FCHSD2: variants seen among roughly 807,000 people sequenced by gnomAD.
FCHSD2 encodes the protein FCH and double SH3 domains 2.
A neutral mutation model predicts 108.1 loss-of-function variants in FCHSD2; 38 were observed. The ratio of observed to expected loss-of-function variants is 0.35; its 90% CI spans 0.27 to 0.46. The LOEUF (loss-of-function observed/expected upper bound fraction) is 0.46. Ranked by LOEUF, FCHSD2 falls within the 20% of genes least tolerant of loss-of-function variation. FCHSD2 has a pLI of 1.00. For synonymous variants in FCHSD2, 279 were observed against 314.7 expected, an observed-to-expected ratio of 0.89 and a Z score of 1.20; for missense variants, 751 against 897.8, an observed-to-expected ratio of 0.84 and a Z score of 2.09.
chr11:72,894,868 ATGTT>A (rs1371639205), intron 10 of FCHSD2, among the ~76,000 whole-genome samples: 1 of 152,176 alleles, frequency 6.6e-6, no homozygotes, highest in Non-Finnish European at 1.5e-5. Context: ...CAAAAATACT[ATGTT>A]TGGTCACAGG....
At chr11:72,848,884 T>C (rs1342383035) in intron 14 of FCHSD2, among the ~76,000 whole-genome samples, 1 of 152,196 alleles carries the variant, frequency 6.6e-6, no homozygotes, top group Non-Finnish European at 1.5e-5. Flanking sequence ...TTTCCAAGTA[T>C]CTGAGAAGAT....
At chr11:72,991,198 C>T (rs1004362605) in intron 5 of FCHSD2, among the ~76,000 whole-genome samples, 5 of 152,024 alleles carry the variant, frequency 3.3e-5, no homozygotes, top group Non-Finnish European at 7.4e-5. Context: ...AATAACAGGC[C>T]CTGAAATTGA....
At chr11:72,907,407 GTGCTGGTTTTCAAAGGGAA>G (rs1855652040) in intron 9 of FCHSD2, among the ~76,000 whole-genome samples, 1 of 151,440 alleles carries the variant, frequency 6.6e-6, no homozygotes, top group African/African-American at 2.4e-5. Context: ...TCCTTATCTT[GTGCTGGTTTTCAAAGGGAA>G]TGCTTCCAGT....
chr11:72,908,330 C>T (rs1855677630), intron 9 of FCHSD2, among the ~76,000 whole-genome samples: 1 of 80,884 alleles, frequency 1.2e-5, no homozygotes, highest in Admixed American at 1.5e-4. Flanking sequence ...GTGAATAGTG[C>T]TGCAATCAAC....
intron 5 of FCHSD2, among the ~76,000 whole-genome samples, chr11:72,995,109 T>C (rs180805990): frequency 9.8e-5 from 15 of 152,316 alleles, no homozygotes; most frequent in Admixed American, 8.5e-4. Flanking sequence ...CTTCTTTCAC[T>C]TATCAAAACA....
At chr11:72,904,006 G>T (rs773509524) in intron 9 of FCHSD2, among the ~76,000 whole-genome samples, 47 of 152,160 alleles carry the variant, frequency 3.1e-4, no homozygotes, top group Non-Finnish European at 5.9e-4. Context: ...TATCTGCAAA[G>T]AATTTATAAT....
At chr11:73,104,535 A>C (rs1187867549) in intron 2 of FCHSD2, among the ~76,000 whole-genome samples, 4 of 151,856 alleles carry the variant, frequency 2.6e-5, no homozygotes, top group Non-Finnish European at 5.9e-5. Flanking sequence ...TGTTGGGATT[A>C]CAGGAGTGAG....
intron 8 of FCHSD2, among the ~76,000 whole-genome samples, chr11:72,946,604 T>C (rs1856525601): frequency 6.6e-6 from 1 of 152,154 alleles, no homozygotes; most frequent in African/African-American, 2.4e-5. Flanking sequence ...TGTCAATACC[T>C]GCCAATATCC....
chr11:73,038,674 T>C (rs373764522), intron 3 of FCHSD2, among the ~76,000 whole-genome samples: 5 of 152,214 alleles, frequency 3.3e-5, no homozygotes, highest in African/African-American at 1.2e-4. Flanking sequence ...AACATGGGAA[T>C]AATAAACACT....
intron 2 of FCHSD2, among the ~76,000 whole-genome samples, chr11:73,126,339 T>TAAAAAAAAAAAAAAAAA (rs61586562): frequency 8.7e-4 from 24 of 27,648 alleles, no homozygotes; most frequent in Admixed American, 2.8e-3. Context: ...GATTCCATCT[T>TAAAAAAAAAAAAAAAAA]AAAAAAAAAA....
intron 8 of FCHSD2, among the ~76,000 whole-genome samples, chr11:72,935,816 A>G (rs1204202832): frequency 1.3e-5 from 2 of 152,230 alleles, no homozygotes; most frequent in African/African-American, 4.8e-5. Flanking sequence ...GAGGAAACAA[A>G]TAAGGAAGTT....
At chr11:72,961,285 G>A (rs1471304367) in intron 8 of FCHSD2, among the ~76,000 whole-genome samples, 1 of 151,814 alleles carries the variant, frequency 6.6e-6, no homozygotes, top group Non-Finnish European at 1.5e-5. Flanking sequence ...AGGCTGGAGT[G>A]GGATCATAGC....
intron 12 of FCHSD2, among the ~76,000 whole-genome samples, chr11:72,879,198 A>T (rs972384179): frequency 6.6e-6 from 1 of 152,248 alleles, no homozygotes; most frequent in Non-Finnish European, 1.5e-5. Context: ...TACCCACGGC[A>T]TTAGTATAGG....
chr11:73,017,578 C>A (rs1858001945), intron 3 of FCHSD2, among the ~76,000 whole-genome samples: 1 of 152,290 alleles, frequency 6.6e-6, no homozygotes, highest in East Asian at 1.9e-4. Context: ...TTCACTATTT[C>A]TAAGTATTGT....
At chr11:72,966,339 T>C (rs1856906457) in intron 8 of FCHSD2, among the ~76,000 whole-genome samples, 1 of 152,160 alleles carries the variant, frequency 6.6e-6, no homozygotes, top group South Asian at 2.1e-4. Flanking sequence ...TTTGCATTTT[T>C]AGTAGAGACA....
chr11:73,141,954 G>T lies in FCHSD2; in HGVS notation c.-77C>A. ...GAGGAGGAGGAGGGCCGGAGAGGAG[G>T]GGACGGCCCAGCGAGCGCGCGCGTG... On this transcript the variant is annotated 5_prime_UTR_variant, in exon 1 of 20. Transcript: ENST00000409418. 3 of 1,426,438 alleles carry T rather than the reference G, an allele frequency of 2.1e-6. No homozygotes were observed. The highest frequency in any genetic ancestry group is 2.8e-6 in the Non-Finnish European group (3 of 1,054,076). The allele number at this position is 1,426,438 out of a possible 1,614,324, so 88.4% of individuals were successfully genotyped here.
chr11:72,903,225 ATTTATTTT>A (rs1855563373), intron 9 of FCHSD2, among the ~76,000 whole-genome samples: 3 of 126,992 alleles, frequency 2.4e-5, no homozygotes, highest in South Asian at 4.9e-4. Context: ...TTATTTATTT[ATTTATTTT>A]TTGAGACGAG....
chr11:73,124,482 G>A (rs375791768), intron 2 of FCHSD2, among the ~76,000 whole-genome samples: 14 of 152,228 alleles, frequency 9.2e-5, no homozygotes, highest in Admixed American at 2.0e-4. Flanking sequence ...TGGGCCAGGC[G>A]CAGTGGCTCA....
At chr11:73,000,078 C>A (rs1343817498) in intron 5 of FCHSD2, among the ~76,000 whole-genome samples, 1 of 152,212 alleles carries the variant, frequency 6.6e-6, no homozygotes, top group East Asian at 1.9e-4. Context: ...CATAAAGACA[C>A]ATATACATCT....
Sources: allele counts gnomAD v4.1 joint callset (sites outside exome capture counted in the v4.1 genomes callset), GRCh38; gene constraint gnomAD v4.1.1; transcripts MANE v1.5; gene names NCBI Gene and HGNC (gene_info 2026-07-23, HGNC 2026-07-21).